DENND6A: variants seen among roughly 807,000 people sequenced by gnomAD.
DENND6A encodes protein DENND6A.
In DENND6A, 43 loss-of-function variants were observed where a neutral mutation model predicts 95.5. The observed-to-expected ratio is 0.45, with a 90% confidence interval of 0.35 to 0.58. The LOEUF (loss-of-function observed/expected upper bound fraction) is 0.58, where lower values mean the gene tolerates loss of function less well. Among genes scored for constraint, DENND6A ranks in the 20% least tolerant of loss-of-function variants. The pLI, the probability that DENND6A is intolerant of heterozygous loss-of-function variation, is 0.00. For synonymous variants in DENND6A, 257 were observed against 260.4 expected (o/e 0.99, Z 0.13); for missense variants, 574 against 736.0 (o/e 0.78, Z 2.55).
intron 9 of DENND6A, among the ~76,000 whole-genome samples, chr3:57,650,305 T>TAA (rs963819918): frequency 7.2e-6 from 1 of 139,192 alleles, no homozygotes; most frequent in Non-Finnish European, 1.6e-5. Context: ...ACAAAAAACC[T>TAA]AAAAAAAAAA....
intron 1 of DENND6A, among the ~76,000 whole-genome samples, chr3:57,682,063 C>G (rs747725709): frequency 1.3e-5 from 2 of 152,210 alleles, no homozygotes; most frequent in Middle Eastern, 3.4e-3. Context: ...TAGTCTCTCT[C>G]CCATTGAGCT....
intron 5 of DENND6A, among the ~76,000 whole-genome samples, chr3:57,662,789 G>A (rs2071447786): frequency 6.6e-6 from 1 of 151,638 alleles, no homozygotes; most frequent in South Asian, 2.1e-4. Context: ...ATAGAGACAG[G>A]TGTCTATAAT....
intron 5 of DENND6A, among the ~76,000 whole-genome samples, 157 bp downstream of exon 5, chr3:57,663,479 A>AT (rs1295317336): frequency 1.6e-4 from 20 of 128,722 alleles, no homozygotes; most frequent in African/African-American, 5.8e-4. Context: ...AAAAAAAAAA[A>AT]AAAAAAAAAT....
intron 1 of DENND6A, among the ~76,000 whole-genome samples, chr3:57,683,431 T>G (rs1401207875): frequency 6.6e-6 from 1 of 152,182 alleles, no homozygotes; most frequent in Non-Finnish European, 1.5e-5. Context: ...TATTATCAGT[T>G]AGAAACCCTA....
At chr3:57,690,047 GA>G (rs68096897) in intron 1 of DENND6A, among the ~76,000 whole-genome samples, 112,739 of 137,676 alleles carry the variant, frequency 0.82, 45,997 homozygotes, top group East Asian at 0.99. Flanking sequence ...TGTCTCTAAG[GA>G]AAAAAAAAAA....
intron 11 of DENND6A, 101 bp from the exon 12 acceptor site, chr3:57,641,848 G>T (rs2070948356): frequency 2.1e-6 from 2 of 942,550 alleles, no homozygotes. Context: ...ACAATACACA[G>T]ATTGATTTTT....
chr3:57,630,381 AAC>A, intron 18 of DENND6A, 38 bp downstream of exon 18: 1 of 1,500,220 alleles, frequency 6.7e-7, no homozygotes, highest in Non-Finnish European at 9.0e-7. Flanking sequence ...CTTTATTTTC[AAC>A]AGTTGTTAAT....
At chr3:57,684,667 C>A (rs2077196573) in intron 1 of DENND6A, among the ~76,000 whole-genome samples, 1 of 152,106 alleles carries the variant, frequency 6.6e-6, no homozygotes, top group Non-Finnish European at 1.5e-5. Context: ...ACCTGTAGTC[C>A]AGCTACTTGA....
intron 15 of DENND6A, 66 bp downstream of exon 15, chr3:57,633,199 G>A (rs987571199): frequency 1.1e-5 from 15 of 1,340,334 alleles, no homozygotes; most frequent in African/African-American, 2.9e-5. Context: ...TTTGGAGGGC[G>A]GGAAAAACAT....
At chr3:57,639,604 C>T (rs2070879894) in intron 12 of DENND6A, among the ~76,000 whole-genome samples, 1 of 152,158 alleles carries the variant, frequency 6.6e-6, no homozygotes, top group Non-Finnish European at 1.5e-5. Context: ...TCTGTATTAT[C>T]ATTAATACTC....
intron 1 of DENND6A, among the ~76,000 whole-genome samples, chr3:57,684,020 G>A (rs761905069): frequency 6.6e-6 from 1 of 152,036 alleles, no homozygotes; most frequent in African/African-American, 2.4e-5. Context: ...CGGTGTGGTG[G>A]TGGGCACCTG....
Position 57,625,504 on chromosome 3 carries a change from GC to G in DENND6A, c.*2709del, listed in dbSNP as rs1466455662. ...TTAGTTTTTGGTAATGACCATAAATGCCTTCACAAAACCTCTTTTTCACTGT... is the reference window on the plus strand; with the variant it reads ...TTAGTTTTTGGTAATGACCATAAATGCTTCACAAAACCTCTTTTTCACTGT... On this transcript the variant is annotated 3_prime_UTR_variant, in exon 20 of 20. Coordinates refer to ENST00000311128, the MANE Select transcript of DENND6A (RefSeq NM_152678.3). 8 of 152,524 alleles carry G rather than the reference GC, an allele frequency of 5.2e-5. No individual in the cohort carries two copies. The East Asian group carries it at 1.5e-3, about 29-fold the overall frequency. The allele number at this position is 152,524 out of a possible 1,614,324, so 9.4% of individuals were successfully genotyped here. A position where few individuals can be genotyped will look rare whatever the true frequency, so the allele number is the denominator to read the frequency against.
intron 9 of DENND6A, among the ~76,000 whole-genome samples, chr3:57,656,992 C>T (rs1017006051): frequency 1.3e-5 from 2 of 152,012 alleles, no homozygotes; most frequent in African/African-American, 2.4e-5. Context: ...CCAAAAAAAT[C>T]CATTTTAAGT....
chr3:57,641,581 C>G, intron 12 of DENND6A, 72 bp downstream of exon 12: 1 of 1,300,904 alleles, frequency 7.7e-7, no homozygotes, highest in Non-Finnish European at 1.0e-6. Flanking sequence ...AAAAAATAAT[C>G]AAGGATGAAA....
chr3:57,680,068 T>C (rs1212003153), intron 1 of DENND6A, among the ~76,000 whole-genome samples: 1 of 152,200 alleles, frequency 6.6e-6, no homozygotes, highest in Non-Finnish European at 1.5e-5. Flanking sequence ...TAAGTTACTT[T>C]TATAACTCTT....
intron 1 of DENND6A, among the ~76,000 whole-genome samples, chr3:57,673,213 CAAAAAAA>C (rs386396751): frequency 5.0e-4 from 35 of 70,698 alleles, no homozygotes; most frequent in African/African-American, 1.9e-3. Flanking sequence ...CATTTCGTAT[CAAAAAAA>C]AAAAAAAAAA....
chr3:57,687,627 C>T (rs2077222638), intron 1 of DENND6A, among the ~76,000 whole-genome samples: 1 of 152,110 alleles, frequency 6.6e-6, no homozygotes, highest in Non-Finnish European at 1.5e-5. Context: ...TACCTGGCTT[C>T]AAAGTTTCAA....
rs2070570660 is a variant in DENND6A, at chr3:57,628,076, G to A, written c.*138C>T. 1 of 1,284,478 alleles carries A rather than the reference G, an allele frequency of 7.8e-7. No homozygotes were observed. The highest frequency in any genetic ancestry group is 1.1e-6 in the Non-Finnish European group (1 of 942,450). The allele number at this position is 1,284,478 out of a possible 1,614,324, so 79.6% of individuals were successfully genotyped here. On this transcript the variant is annotated 3_prime_UTR_variant, in exon 20 of 20. Coordinates refer to ENST00000311128, the MANE Select transcript of DENND6A (RefSeq NM_152678.3). ...TAAAAAGGTCTGTTTATACAATACAGTCTTTCTACCCTGTAACTAGCATTC... is the reference window on the plus strand; with the variant it reads ...TAAAAAGGTCTGTTTATACAATACAATCTTTCTACCCTGTAACTAGCATTC...
chr3:57,636,216 T>C (rs143799715), intron 12 of DENND6A, among the ~76,000 whole-genome samples: 298 of 152,308 alleles, frequency 2.0e-3, no homozygotes, highest in African/African-American at 6.8e-3. Flanking sequence ...CAAGGGTTAA[T>C]TGTAATTTCA....
Sources: allele counts gnomAD v4.1 joint callset (sites outside exome capture counted in the v4.1 genomes callset), GRCh38; gene constraint gnomAD v4.1.1; transcripts MANE v1.5; gene names NCBI Gene and HGNC (gene_info 2026-07-23, HGNC 2026-07-21).